Variants in ASXL3 observed in about 807,000 individuals in gnomAD.
ASXL3 encodes the protein putative Polycomb group protein ASXL3.
A neutral mutation model predicts 170.6 loss-of-function variants in ASXL3; 34 were observed. The observed-to-expected ratio is 0.20, with a 90% CI of 0.15 to 0.27. The LOEUF is 0.27. Among genes scored for constraint, ASXL3 ranks in the 10% least tolerant of loss-of-function variants. The pLI is 1.00. For missense variants in ASXL3, 2,592 were observed against 2,695.3 expected, an observed-to-expected ratio of 0.96 and a Z score of 0.85; for synonymous variants, 1,002 against 989.1, an observed-to-expected ratio of 1.01 and a Z score of -0.24.
chr18:33,620,154 T>C (rs895777463), intron 2 of ASXL3, among the ~76,000 whole-genome samples: 8 of 152,102 alleles, frequency 5.3e-5, no homozygotes, highest in African/African-American at 1.7e-4. Context: ...ATATGCATAA[T>C]TGCCAAGCAG....
intron 8 of ASXL3, among the ~76,000 whole-genome samples, chr18:33,693,223 G>T (rs918460944): frequency 1.3e-5 from 2 of 152,100 alleles, no homozygotes; most frequent in African/African-American, 4.8e-5. Flanking sequence ...TATGTTTATT[G>T]TGCATTTGAG....
chr18:33,706,663 T>A (rs2066964734), intron 8 of ASXL3, among the ~76,000 whole-genome samples: 1 of 151,916 alleles, frequency 6.6e-6, no homozygotes, highest in Admixed American at 6.6e-5. Context: ...GTCTTTAGTG[T>A]ATTTTTTTTA....
intron 4 of ASXL3, among the ~76,000 whole-genome samples, chr18:33,648,380 A>G (rs186595781): frequency 7.0e-4 from 106 of 152,212 alleles, no homozygotes; most frequent in Non-Finnish European, 1.3e-3. Flanking sequence ...TGAGTGTAAG[A>G]TAGAGAAAGG....
At position 33,742,831 on chromosome 18, in the gene ASXL3, C is replaced by T. The variant is rs1188823582; in HGVS notation, c.3040-57C>T. On this transcript the variant is annotated intron_variant, in intron 11 of 11. Coordinates refer to ENST00000269197, the MANE Select transcript of ASXL3 (RefSeq NM_030632.3). Reference sequence around the variant, plus strand: ...CCCTTGCATTATCACATTCTACGTGCCTCCTCTGTGATCATGTATGAAGCA... The same window carrying T: ...CCCTTGCATTATCACATTCTACGTGTCTCCTCTGTGATCATGTATGAAGCA... 9.3e-6 allele frequency: 14 copies of T among 1,511,266 alleles called. No homozygotes were observed. In the East Asian group the frequency reaches 3.0e-4, roughly 32 times the overall value. 93.6% of individuals were successfully genotyped at this position (1,511,266 alleles called of 1,614,324 possible). A position where few individuals can be genotyped will look rare whatever the true frequency, so the allele number is the denominator to read the frequency against.
rs2067791568 is a variant in ASXL3, at chr18:33,746,282, A to G, written c.6434A>G (p.Gln2145Arg). 1.2e-6 allele frequency: 2 copies of G among 1,613,924 alleles called. No individual in the cohort carries two copies. The highest frequency in any genetic ancestry group is 1.7e-6 in the Non-Finnish European group (2 of 1,179,906). Residue 2145 changes from glutamine (Q) to arginine (R), a missense_variant, in exon 12 of 12, where the codon CAG (glutamine) becomes CGG (arginine). Physicochemically the swap from Gln to Arg is conservative, Grantham distance 43. Coordinates refer to ENST00000269197, the MANE Select transcript of ASXL3 (RefSeq NM_030632.3). ...TTAGCTGCTCAGAAAATGCAGGTGC[A>G]GCAACAACAGCAGCTCTGTGGAAAT... is the stretch of plus-strand genomic sequence containing the variant. ...TQLAAQKMQV[Q>R]QQQQLCGNYP...
chr18:33,746,769 T>A lies in ASXL3; in HGVS notation c.*174T>A. On this transcript the variant is annotated 3_prime_UTR_variant, in exon 12 of 12. Coordinates refer to ENST00000269197, the MANE Select transcript of ASXL3 (RefSeq NM_030632.3). Reference sequence around the variant, plus strand: ...CATTTCTCATAAAGGGGAGGATGCATCCCAACTGAATGGCTCACTGGCATG... The same window carrying A: ...CATTTCTCATAAAGGGGAGGATGCAACCCAACTGAATGGCTCACTGGCATG... 3.7e-6 allele frequency: 4 copies of A among 1,076,736 alleles called. No homozygotes were observed. The highest frequency in any genetic ancestry group is 2.5e-6 in the Non-Finnish European group (2 of 789,024). 66.7% of individuals were successfully genotyped at this position (1,076,736 alleles called of 1,614,324 possible). A position where few individuals can be genotyped will look rare whatever the true frequency, so the allele number is the denominator to read the frequency against.
At chr18:33,673,041 G>A (rs1253872643) in intron 7 of ASXL3, among the ~76,000 whole-genome samples, 1 of 152,030 alleles carries the variant, frequency 6.6e-6, no homozygotes, top group Admixed American at 6.6e-5. Context: ...ATACTTACCT[G>A]TACATGGACA....
At position 33,739,941 on chromosome 18, in the gene ASXL3, A is replaced by G. The variant is rs61729759; in HGVS notation, c.2537A>G (p.Lys846Arg). The G allele has an allele frequency of 6.1e-4, 985 of 1,613,992 alleles. 5 individuals carry two copies. In the Middle Eastern group the frequency reaches 7.6e-3, roughly 12 times the overall value. The stretch of plus-strand genomic sequence containing the variant: ...TGTAAATCACATGTTGACACTGAGA[A>G]GCCCTACCCTGCTTCAATTCCAGAA... ...QTCKSHVDTE[K>R]PYPASIPELA... is the part of the protein sequence containing the mutation. Residue 846 changes from lysine to arginine, a missense_variant, in exon 11 of 12, where the codon AAG (lysine) becomes AGG (arginine). By Grantham distance (26) the Lys-to-Arg change is conservative (BLOSUM62 2). Coordinates refer to ENST00000269197, the MANE Select transcript of ASXL3 (RefSeq NM_030632.3).
Position 33,578,700 on chromosome 18 carries a change from C to A in ASXL3, c.54+15C>A. ...CTGCCCGCCTGGTACGTACCGCCCC[C>A]CACACGCCGCCCGCGCCTCCCGCCG... On this transcript the variant is annotated intron_variant, in intron 1 of 11. Coordinates refer to ENST00000269197, the MANE Select transcript of ASXL3 (RefSeq NM_030632.3). The A allele has an allele frequency of 8.0e-7, 1 of 1,251,270 alleles. No homozygotes were observed. Among genetic ancestry groups the A allele is most frequent in the Non-Finnish European group, 1.0e-6 (1 of 977,398 alleles). 77.5% of individuals were successfully genotyped at this position (1,251,270 alleles called of 1,614,324 possible).
chr18:33,698,545 T>C (rs183827096), intron 8 of ASXL3, among the ~76,000 whole-genome samples: 2 of 152,186 alleles, frequency 1.3e-5, no homozygotes, highest in African/African-American at 4.8e-5. Context: ...TTGGGAACCA[T>C]TGATGTATGC....
chr18:33,726,254 C>A (rs1224340603), intron 8 of ASXL3, among the ~76,000 whole-genome samples: 1 of 152,154 alleles, frequency 6.6e-6, no homozygotes, highest in African/African-American at 2.4e-5. Context: ...CTGGCTCAAC[C>A]TTCAGGATGT....
intron 8 of ASXL3, among the ~76,000 whole-genome samples, chr18:33,715,072 T>C (rs1365406643): frequency 2.0e-5 from 3 of 152,186 alleles, no homozygotes; most frequent in Non-Finnish European, 2.9e-5. Flanking sequence ...AGTAACTGAC[T>C]CAGGACAATG....
At chr18:33,636,936 A>G (rs1345347355) in intron 2 of ASXL3, among the ~76,000 whole-genome samples, 1 of 152,168 alleles carries the variant, frequency 6.6e-6, no homozygotes, top group Non-Finnish European at 1.5e-5. Flanking sequence ...ATTCTGGAGC[A>G]TTTCAAATTT....
intron 2 of ASXL3, 122 bp from the exon 3 acceptor site, chr18:33,644,770 AAG>A (rs2065894582): frequency 1.9e-6 from 1 of 529,068 alleles, no homozygotes; most frequent in Admixed American, 3.6e-5. Flanking sequence ...AAGGCATGCA[AAG>A]AGGTCTTTTT....
At chr18:33,614,026 T>A (rs996220613) in intron 2 of ASXL3, among the ~76,000 whole-genome samples, 1 of 152,084 alleles carries the variant, frequency 6.6e-6, no homozygotes, top group African/African-American at 2.4e-5. Context: ...CTGATCAGGA[T>A]AGTGGTTGCT....
intron 2 of ASXL3, among the ~76,000 whole-genome samples, chr18:33,633,438 A>C (rs1310787317): frequency 6.6e-6 from 1 of 152,238 alleles, no homozygotes; most frequent in African/African-American, 2.4e-5. Context: ...TCAAAATCTT[A>C]TAATTAAACT....
At chr18:33,631,784 T>A (rs1171681105) in intron 2 of ASXL3, among the ~76,000 whole-genome samples, 2 of 152,116 alleles carry the variant, frequency 1.3e-5, no homozygotes, top group Non-Finnish European at 2.9e-5. Context: ...ATTTGCATTT[T>A]TTAAAAATTT....
intron 4 of ASXL3, among the ~76,000 whole-genome samples, chr18:33,660,713 C>T (rs1283252307): frequency 1.3e-5 from 2 of 152,140 alleles, no homozygotes; most frequent in Non-Finnish European, 2.9e-5. Flanking sequence ...CAAACTCCTT[C>T]TCCCCCAGTG....
chr18:33,618,715 A>G (rs1466429393), intron 2 of ASXL3, among the ~76,000 whole-genome samples: 1 of 152,112 alleles, frequency 6.6e-6, no homozygotes, highest in African/African-American at 2.4e-5. Context: ...TTTCTGTGTT[A>G]TTTAATGAGG....
Sources: allele counts gnomAD v4.1 joint callset (sites outside exome capture counted in the v4.1 genomes callset), GRCh38; gene constraint gnomAD v4.1.1; transcripts MANE v1.5; gene names NCBI Gene and HGNC (gene_info 2026-07-23, HGNC 2026-07-21).